AFG1L: variants seen among roughly 807,000 people sequenced by gnomAD.
AFG1L encodes the protein AFG1 like ATPase.
A neutral mutation model predicts 62.2 loss-of-function variants in AFG1L; 53 were observed. The ratio of observed to expected loss-of-function variants is 0.85; its 90% confidence interval spans 0.68 to 1.07. The LOEUF (loss-of-function observed/expected upper bound fraction) is 1.07, where lower values mean the gene tolerates loss of function less well. Among genes scored for constraint, AFG1L ranks in the 50% least tolerant of loss-of-function variants. The pLI, the probability that AFG1L is intolerant of heterozygous loss-of-function variation, is 0.00. For missense variants in AFG1L, 555 were observed against 590.5 expected (o/e 0.94, Z 0.62); for synonymous variants, 228 against 210.3 (o/e 1.08, Z -0.73).
At chr6:108,349,962 C>T (rs1176503045) in intron 3 of AFG1L, among the ~76,000 whole-genome samples, 1 of 150,406 alleles carries the variant, frequency 6.6e-6, no homozygotes, top group East Asian at 2.0e-4. Context: ...GTGGCCCACG[C>T]CTATAATGCC....
At chr6:108,460,278 A>T (rs1427774101) in intron 8 of AFG1L, among the ~76,000 whole-genome samples, 1 of 152,186 alleles carries the variant, frequency 6.6e-6, no homozygotes, top group Non-Finnish European at 1.5e-5. Flanking sequence ...AGAGATGGAT[A>T]GGGAACCTTT....
chr6:108,442,420 G>T (rs1274602713), intron 7 of AFG1L, among the ~76,000 whole-genome samples: 1 of 152,108 alleles, frequency 6.6e-6, no homozygotes, highest in Non-Finnish European at 1.5e-5. Context: ...GGGCAATGCT[G>T]TATTTTCCTC....
rs1320482690 is a variant in AFG1L at position 108,371,721 on chromosome 6, C to G, written c.748+5389C>G. Among the ~76,000 whole-genome samples the G allele has an allele frequency of 2.0e-5, 3 of 151,958 alleles. No individual in the cohort carries two copies. The East Asian group carries it at 5.8e-4, about 29-fold the overall frequency. On this transcript the variant is annotated intron_variant, in intron 6 of 12. Transcript: ENST00000368977. Reference sequence around the variant, plus strand: ...TGTTTTTTGGTCTCTAGGGATTTTCCTTTCTGGCAGTCTCAAAATGTTTAT... The same window carrying G: ...TGTTTTTTGGTCTCTAGGGATTTTCGTTTCTGGCAGTCTCAAAATGTTTAT...
intron 5 of AFG1L, among the ~76,000 whole-genome samples, chr6:108,362,941 A>G (rs1026799879): frequency 3.3e-5 from 5 of 152,182 alleles, no homozygotes; most frequent in African/African-American, 9.6e-5. Flanking sequence ...ATTCTTAGTG[A>G]CAGTATATCT....
At chr6:108,397,285 A>T (rs1781359408) in intron 6 of AFG1L, among the ~76,000 whole-genome samples, 1 of 152,082 alleles carries the variant, frequency 6.6e-6, no homozygotes, top group Non-Finnish European at 1.5e-5. Context: ...GTGCCACCAC[A>T]CCTGGCTGAT....
chr6:108,444,394 A>G (rs1468509574), intron 7 of AFG1L, among the ~76,000 whole-genome samples: 2 of 152,196 alleles, frequency 1.3e-5, no homozygotes, highest in Non-Finnish European at 2.9e-5. Flanking sequence ...ACTAATCAGG[A>G]TGGTGACTGC....
intron 6 of AFG1L, among the ~76,000 whole-genome samples, chr6:108,397,798 G>A (rs568201012): frequency 3.3e-5 from 5 of 152,084 alleles, no homozygotes; most frequent in Admixed American, 3.3e-4. Context: ...TCTTTTTTAT[G>A]GCAGAATAGT....
rs142790433 is a variant in AFG1L, at chr6:108,302,439, TC to T, written c.139+7223del. On this transcript the variant is annotated intron_variant, in intron 1 of 12. Transcript: ENST00000368977. ...AAAATTGACTTTGATGGAACTCTGT[TC>T]CATAGAAGGAATCTCAGATAAGACT... 5.0e-3 allele frequency among the ~76,000 whole-genome samples: 767 copies of T among 152,300 alleles called. 4 individuals are homozygous for T. Among genetic ancestry groups the T allele is most frequent in the African/African-American group, 0.018 (742 of 41,570 alleles).
intron 7 of AFG1L, among the ~76,000 whole-genome samples, chr6:108,428,387 A>G (rs911990901): frequency 6.6e-6 from 1 of 152,122 alleles, no homozygotes; most frequent in Non-Finnish European, 1.5e-5. Flanking sequence ...CATGTTTGCA[A>G]TTGTGAATTG....
At chr6:108,481,657 A>G (rs1773324565) in intron 10 of AFG1L, among the ~76,000 whole-genome samples, 1 of 152,216 alleles carries the variant, frequency 6.6e-6, no homozygotes, top group African/African-American at 2.4e-5. Flanking sequence ...AAGCAGTAAC[A>G]ATTATTTTGT....
chr6:108,478,896 G>A (rs371287517), intron 10 of AFG1L, among the ~76,000 whole-genome samples: 3 of 150,770 alleles, frequency 2.0e-5, no homozygotes, highest in Admixed American at 6.6e-5. Context: ...TTTACTGTCC[G>A]GGGGTGATGG....
At chr6:108,440,029 T>A (rs1771472840) in intron 7 of AFG1L, among the ~76,000 whole-genome samples, 1 of 152,238 alleles carries the variant, frequency 6.6e-6, no homozygotes. Flanking sequence ...TGTCTACCTC[T>A]GTAATCTCCA....
At chr6:108,374,183 A>C (rs2114527743) in intron 6 of AFG1L, among the ~76,000 whole-genome samples, 1 of 151,568 alleles carries the variant, frequency 6.6e-6, no homozygotes, top group East Asian at 1.9e-4. Context: ...TAATGGAGTT[A>C]TTTGTTTTTT....
intron 10 of AFG1L, among the ~76,000 whole-genome samples, chr6:108,497,788 G>A (rs1444458183): frequency 1.3e-5 from 2 of 152,092 alleles, no homozygotes; most frequent in East Asian, 1.9e-4. Flanking sequence ...TTTTTCTGCA[G>A]GGGCTGGACT....
At chr6:108,490,243 A>G (rs1773723529) in intron 10 of AFG1L, among the ~76,000 whole-genome samples, 1 of 152,082 alleles carries the variant, frequency 6.6e-6, no homozygotes, top group African/African-American at 2.4e-5. Context: ...CCTTTTAGTC[A>G]CAGCTACTCG....
At chr6:108,366,153 TAAAA>T in intron 5 of AFG1L, 76 bp from the exon 6 acceptor site, 1 of 747,552 alleles carries the variant, frequency 1.3e-6, no homozygotes, top group Non-Finnish European at 2.2e-6. Flanking sequence ...ACTTCCATCT[TAAAA>T]AAAAAGATGA....
intron 6 of AFG1L, among the ~76,000 whole-genome samples, chr6:108,384,879 G>A (rs1245277670): frequency 6.6e-6 from 1 of 152,120 alleles, no homozygotes; most frequent in Non-Finnish European, 1.5e-5. Flanking sequence ...ATTATCCCAT[G>A]TAAAGAATAG....
At chr6:108,311,328 A>G (rs1777398358) in intron 1 of AFG1L, among the ~76,000 whole-genome samples, 1 of 151,908 alleles carries the variant, frequency 6.6e-6, no homozygotes, top group South Asian at 2.1e-4. Flanking sequence ...TGCCCTTCTG[A>G]TCTCAATGGA....
At chr6:108,308,017 TTATATA>T (rs1777270692) in intron 1 of AFG1L, among the ~76,000 whole-genome samples, 1 of 152,230 alleles carries the variant, frequency 6.6e-6, no homozygotes, top group African/African-American at 2.4e-5. Flanking sequence ...TTGTAGTTCT[TTATATA>T]ATCTTGATGT....
Sources: allele counts gnomAD v4.1 joint callset (sites outside exome capture counted in the v4.1 genomes callset), GRCh38; gene constraint gnomAD v4.1.1; transcripts MANE v1.5; gene names NCBI Gene and HGNC (gene_info 2026-07-23, HGNC 2026-07-21).